PCDHGA2: variants seen among roughly 807,000 people sequenced by gnomAD.
The protein encoded by PCDHGA2 is protocadherin gamma-A2.
PCDHGA2 carries 40 observed loss-of-function variants against 59.2 expected under a neutral mutation model. That is an observed-to-expected ratio of 0.68 (90% CI 0.52 to 0.88). The LOEUF (loss-of-function observed/expected upper bound fraction) is 0.88. Among genes scored for constraint, PCDHGA2 ranks in the 40% least tolerant of loss-of-function variants. PCDHGA2 has a pLI of 0.00. For synonymous variants in PCDHGA2, 560 were observed against 526.0 expected (o/e 1.06, Z -0.89); for missense variants, 1,226 against 1,204.0 (o/e 1.02, Z -0.27).
At chr5:141,410,913 G>GC (rs1270456210) in intron 1 of PCDHGA2, 4 of 263,626 alleles carry the variant, frequency 1.5e-5, no homozygotes, top group African/African-American at 1.1e-4. Flanking sequence ...GAGTGCAGTG[G>GC]CGTGATCTCT....
At chr5:141,458,437 C>T (rs777855535) in intron 1 of PCDHGA2, among the ~76,000 whole-genome samples, 1 of 152,026 alleles carries the variant, frequency 6.6e-6, no homozygotes, top group Non-Finnish European at 1.5e-5. Flanking sequence ...AGAGGAGGTC[C>T]CCCACATTAA....
At position 141,375,721 on chromosome 5, in the gene PCDHGA2, G is replaced by C. The variant is rs1194190814; in HGVS notation, c.2424+34326G>C. The stretch of plus-strand genomic sequence containing the variant: ...GGGACCCGCCTCTTAGCAGCAACGT[G>C]TCACTGAGCCTGTTTGTGCTGGACC... On this transcript the variant is annotated intron_variant, in intron 1 of 3. Transcript: ENST00000394576. The C allele has an allele frequency of 2.5e-6, 4 of 1,614,148 alleles. No homozygotes were observed. In the African/African-American group the frequency reaches 4.0e-5, roughly 16 times the overall value.
At position 141,487,505 on chromosome 5, in the gene PCDHGA2, G is replaced by GTA; in HGVS notation, c.2425-7302_2425-7301insTA. The GTA allele has an allele frequency of 1.2e-6, 2 of 1,614,200 alleles. No homozygotes were observed. The highest frequency in any genetic ancestry group is 1.7e-6 in the Non-Finnish European group (2 of 1,180,032). ...TCATGGCTGTACACCCTTGGCTTCTGCACCCACTCGGAGTGATAGCTTCAT... is the reference window on the plus strand; with the variant it reads ...TCATGGCTGTACACCCTTGGCTTCTGTACACCCACTCGGAGTGATAGCTTCAT... On this transcript the variant is annotated intron_variant, in intron 1 of 3. Coordinates refer to ENST00000394576, the MANE Select transcript of PCDHGA2 (RefSeq NM_018915.4). This position sits in a 1 kb window ranked among gnomAD's most constrained non-coding sequence, Gnocchi z 5.0.
chr5:141,430,395 A>C (rs1461176471), intron 1 of PCDHGA2, among the ~76,000 whole-genome samples: 1 of 152,096 alleles, frequency 6.6e-6, no homozygotes, highest in Non-Finnish European at 1.5e-5. Context: ...AAAAAAAAAA[A>C]AGCTCACTAA....
At position 141,485,326 on chromosome 5, in the gene PCDHGA2, T is replaced by C. The variant is rs2154580391; in HGVS notation, c.2425-9481T>C. On this transcript the variant is annotated intron_variant, in intron 1 of 3. Coordinates refer to ENST00000394576, the MANE Select transcript of PCDHGA2 (RefSeq NM_018915.4). This position sits in a 1 kb window ranked among gnomAD's most constrained non-coding sequence, Gnocchi z 5.7. ...CTTTTGTAGGGAATGTCGCTCAAGATTTCCTGCTGGATACGGACAGTCTGT... is the reference window on the plus strand; with the variant it reads ...CTTTTGTAGGGAATGTCGCTCAAGACTTCCTGCTGGATACGGACAGTCTGT... 1 of 1,614,106 alleles carries C rather than the reference T, an allele frequency of 6.2e-7. No homozygotes were observed. The highest frequency in any genetic ancestry group is 1.7e-5 in the Admixed American group (1 of 60,028).
At chr5:141,499,707 T>G (rs1303008532) in intron 2 of PCDHGA2, among the ~76,000 whole-genome samples, 2 of 150,494 alleles carry the variant, frequency 1.3e-5, no homozygotes, top group African/African-American at 2.5e-5. Flanking sequence ...TTTTTTTTTT[T>G]TTTTGGAGAC....
intron 1 of PCDHGA2, chr5:141,371,039 G>T (rs1233349729): frequency 6.2e-6 from 10 of 1,613,966 alleles, no homozygotes; most frequent in Non-Finnish European, 8.5e-6. Flanking sequence ...TCACAGCTGT[G>T]GATGGGGGCG....
At position 141,486,813 on chromosome 5, in the gene PCDHGA2, G is replaced by A; in HGVS notation, c.2425-7994G>A. On this transcript the variant is annotated intron_variant, in intron 1 of 3. Transcript: ENST00000394576. The surrounding 1 kb of genome is among the most constrained non-coding windows in gnomAD (Gnocchi z 5.0). ...GATCGGGGCAACCCACCCCTTAGCA[G>A]CACTGTAACAGTTCGTCTATTTGTG... The A allele has an allele frequency of 6.2e-7, 1 of 1,614,212 alleles. No individual in the cohort carries two copies.
intron 1 of PCDHGA2, among the ~76,000 whole-genome samples, chr5:141,444,012 G>T (rs1355186604): frequency 1.3e-5 from 2 of 152,058 alleles, no homozygotes; most frequent in African/African-American, 4.8e-5. Flanking sequence ...CTGGGTATTG[G>T]CTTCTAAAAG....
chr5:141,395,148 C>T (rs1288484224), intron 1 of PCDHGA2: 19 of 1,614,078 alleles, frequency 1.2e-5, no homozygotes, highest in Non-Finnish European at 1.6e-5. Context: ...CGCAGACATG[C>T]TCATCAGTCA....
chr5:141,489,635 G>T lies in PCDHGA2; in HGVS notation c.2425-5172G>T, dbSNP rs1380466520. On this transcript the variant is annotated intron_variant, in intron 1 of 3. Coordinates refer to ENST00000394576, the MANE Select transcript of PCDHGA2 (RefSeq NM_018915.4). This position sits in a 1 kb window ranked among gnomAD's most constrained non-coding sequence, Gnocchi z 4.5. ...CTGGATCTCAATGACAACTCTCCTA[G>T]CTTTGCCACCCCTGAGCGAGAGATG... 1.2e-6 allele frequency: 2 copies of T among 1,614,024 alleles called. No homozygotes were observed. The highest frequency in any genetic ancestry group is 2.7e-5 in the African/African-American group (2 of 74,908).
chr5:141,347,838 G>A (rs957524959), intron 1 of PCDHGA2, among the ~76,000 whole-genome samples: 7 of 151,630 alleles, frequency 4.6e-5, no homozygotes, highest in Non-Finnish European at 1.0e-4. Flanking sequence ...TATAGTGCCT[G>A]TTACATATGC....
In PCDHGA2 at chr5:141,420,134, G is replaced by A. The variant is rs769225630; in HGVS notation, c.2425-74673G>A. The A allele has an allele frequency of 1.1e-5, 18 of 1,613,952 alleles. No homozygotes were observed. Among genetic ancestry groups the A allele is most frequent in the Non-Finnish European group, 1.4e-5 (17 of 1,179,876 alleles). Reference sequence around the variant, plus strand: ...TGCCTATAATTTTTGTGTGCCTGGGGATCAAATGAATCCAGAATTTAATTT... The same window carrying A: ...TGCCTATAATTTTTGTGTGCCTGGGAATCAAATGAATCCAGAATTTAATTT... On this transcript the variant is annotated intron_variant, in intron 1 of 3. Coordinates refer to ENST00000394576, the MANE Select transcript of PCDHGA2 (RefSeq NM_018915.4).
chr5:141,364,720 C>T (rs1763500298), intron 1 of PCDHGA2: 6 of 1,613,946 alleles, frequency 3.7e-6, no homozygotes, highest in Non-Finnish European at 5.1e-6. Flanking sequence ...ATGATAACTT[C>T]CCGCGTTTCC....
At chr5:141,394,435 C>G (rs1473725556) in intron 1 of PCDHGA2, 1 of 1,614,246 alleles carries the variant, frequency 6.2e-7, no homozygotes, top group Non-Finnish European at 8.5e-7. Flanking sequence ...GGGGACCCGC[C>G]CCTCAGCAGC....
At chr5:141,496,662 T>A (rs557106775) in intron 2 of PCDHGA2, among the ~76,000 whole-genome samples, 1 of 152,344 alleles carries the variant, frequency 6.6e-6, no homozygotes, top group African/African-American at 2.4e-5. Flanking sequence ...TGACCCCAGC[T>A]GTTGTCCTTC....
In PCDHGA2 at chr5:141,499,962, A is replaced by G. The variant is rs147527188; in HGVS notation, c.2483+5097A>G. Among the ~76,000 whole-genome samples the G allele has an allele frequency of 3.7e-3, 563 of 152,178 alleles. 5 individuals are homozygous for G. Among genetic ancestry groups the G allele is most frequent in the Admixed American group, 0.011 (164 of 15,288 alleles). On this transcript the variant is annotated intron_variant, in intron 2 of 3. Coordinates refer to ENST00000394576, the MANE Select transcript of PCDHGA2 (RefSeq NM_018915.4). ...CTCGGCCTCCCAAAATGTTGGGATT[A>G]CAGGTGTGAGCCACCTTGCCCGGCC...
In PCDHGA2 at chr5:141,476,291, G is replaced by T. The variant is rs1385060012; in HGVS notation, c.2425-18516G>T. The stretch of plus-strand genomic sequence containing the variant: ...GGTCGCGAACCTTGGTTTGGATCTC[G>T]GTAGCCTCTCAGCCCGCAGGTTCCG... On this transcript the variant is annotated intron_variant, in intron 1 of 3. Coordinates refer to ENST00000394576, the MANE Select transcript of PCDHGA2 (RefSeq NM_018915.4). This position sits in a 1 kb window ranked among gnomAD's most constrained non-coding sequence, Gnocchi z 7.6. 4 of 1,614,128 alleles carry T rather than the reference G, an allele frequency of 2.5e-6. No homozygotes were observed. Among genetic ancestry groups the T allele is most frequent in the South Asian group, 1.1e-5 (1 of 91,072 alleles).
intron 1 of PCDHGA2, chr5:141,430,707 CT>C: frequency 6.8e-7 from 1 of 1,478,562 alleles, no homozygotes; most frequent in Non-Finnish European, 9.0e-7. Context: ...GGAACTGCTC[CT>C]GACTTCAGTG....
Sources: allele counts gnomAD v4.1 joint callset (sites outside exome capture counted in the v4.1 genomes callset), GRCh38; gene constraint gnomAD v4.1.1; non-coding constraint Gnocchi (gnomAD v3.1); transcripts MANE v1.5; gene names NCBI Gene and HGNC (gene_info 2026-07-23, HGNC 2026-07-21).